FRMPD1: variants seen among roughly 807,000 people sequenced by gnomAD.
FRMPD1 encodes the protein FERM and PDZ domain-containing protein 1.
FRMPD1 carries 76 observed loss-of-function variants against 117.8 expected under a neutral mutation model. The ratio of observed to expected loss-of-function variants is 0.65; its 90% confidence interval spans 0.54 to 0.78. The LOEUF is 0.78. Among genes scored for constraint, FRMPD1 ranks in the 30% least tolerant of loss-of-function variants. The pLI is 0.00. For missense variants in FRMPD1, 1,786 were observed against 1,964.5 expected (o/e 0.91, Z 1.72); for synonymous variants, 783 against 770.4 (o/e 1.02, Z -0.27).
chr9:37,707,702 C>A, intron 3 of FRMPD1, 129 bp downstream of exon 3: 1 of 763,542 alleles, frequency 1.3e-6, no homozygotes, highest in Non-Finnish European at 2.1e-6. Context: ...AAAGGCACAC[C>A]TAATTCTGTC....
chr9:37,702,610 C>T (rs1822574385), intron 2 of FRMPD1, among the ~76,000 whole-genome samples: 1 of 152,130 alleles, frequency 6.6e-6, no homozygotes, highest in South Asian at 2.1e-4. Flanking sequence ...TAAGATCAGT[C>T]TGGAGTGAAG....
the FRMPD1 span, among the ~76,000 whole-genome samples, chr9:37,611,847 TC>T: frequency 3.3e-5 from 5 of 152,190 alleles, no homozygotes; most frequent in African/African-American, 1.2e-4. Flanking sequence ...ATTCTTTTTT[TC>T]CCTTTACTCC....
At chr9:37,662,058 A>G (rs1007879168) in intron 1 of FRMPD1, 4 of 152,412 alleles carry the variant, frequency 2.6e-5, no homozygotes, top group East Asian at 3.9e-4. Flanking sequence ...CCATGTTGCT[A>G]TAACAGAATA....
intron 1 of FRMPD1, among the ~76,000 whole-genome samples, chr9:37,664,062 A>G (rs764949550): frequency 3.9e-5 from 6 of 152,164 alleles, no homozygotes; most frequent in African/African-American, 4.8e-5. Flanking sequence ...CAGACGCCCA[A>G]GAGCTATCAC....
the FRMPD1 span, among the ~76,000 whole-genome samples, chr9:37,605,776 A>T: frequency 6.6e-6 from 1 of 152,034 alleles, no homozygotes; most frequent in African/African-American, 2.4e-5. Flanking sequence ...GTGCAGTGGC[A>T]TGATCATAGC....
intron 1 of FRMPD1, among the ~76,000 whole-genome samples, chr9:37,687,283 G>A (rs1445539497): frequency 6.6e-6 from 1 of 152,204 alleles, no homozygotes; most frequent in African/African-American, 2.4e-5. Flanking sequence ...TGTGGAATAT[G>A]TGTCTTCCAC....
the FRMPD1 span, among the ~76,000 whole-genome samples, chr9:37,634,226 TTTG>T: frequency 4.6e-5 from 7 of 152,338 alleles, no homozygotes. Context: ...TTTAACTGCT[TTTG>T]TTGTTGTTGT....
In FRMPD1 at chr9:37,740,601, A is replaced by C. The variant is rs1456764145; in HGVS notation, c.2073A>C (p.Thr691=). The C allele has an allele frequency of 6.2e-7, 1 of 1,614,200 alleles. No homozygotes were observed. ...ETFGWAPELS[T]VRLDPRLYEG... ...TTGGCTGGGCACCAGAACTGAGCACAGTCAGGCTGGACCCCAGGCTGTATG... is the reference window on the plus strand; with the variant it reads ...TTGGCTGGGCACCAGAACTGAGCACCGTCAGGCTGGACCCCAGGCTGTATG... Residue 691 remains threonine (T), a synonymous_variant, in exon 15 of 16, where the codon ACA becomes ACC. Coordinates refer to ENST00000377765, the MANE Select transcript of FRMPD1 (RefSeq NM_014907.3). The surrounding 1 kb of genome is among the most constrained non-coding windows in gnomAD (Gnocchi z 4.2).
the FRMPD1 span, among the ~76,000 whole-genome samples, chr9:37,609,217 G>C: frequency 3.5e-4 from 53 of 152,186 alleles, 1 homozygote; most frequent in East Asian, 9.7e-3. Context: ...ACTTGAACCT[G>C]GGAGGCGGAG....
At chr9:37,640,116 C>T in the FRMPD1 span, among the ~76,000 whole-genome samples, 5 of 152,104 alleles carry the variant, frequency 3.3e-5, no homozygotes, top group African/African-American at 1.2e-4. Flanking sequence ...TCCTGTTTTC[C>T]TCAGCTGTGA....
chr9:37,659,608 A>T (rs1820936111), intron 1 of FRMPD1, among the ~76,000 whole-genome samples: 1 of 152,154 alleles, frequency 6.6e-6, no homozygotes, highest in African/African-American at 2.4e-5. Context: ...ATAGTGGAAG[A>T]CTTATGTCTT....
chr9:37,731,131 A>G (rs529619855), intron 9 of FRMPD1, 28 bp downstream of exon 9: 1 of 1,608,720 alleles, frequency 6.2e-7, no homozygotes, highest in South Asian at 1.1e-5. Flanking sequence ...TCCTAAAATA[A>G]CAGTGGTTGT....
At chr9:37,605,453 C>CATTCCAT in the FRMPD1 span, among the ~76,000 whole-genome samples, 1 of 152,160 alleles carries the variant, frequency 6.6e-6, no homozygotes, top group Non-Finnish European at 1.5e-5. Context: ...GCAGCCTGGT[C>CATTCCAT]ATTCCATAGC....
intron 1 of FRMPD1, among the ~76,000 whole-genome samples, chr9:37,683,173 C>T (rs560856120): frequency 6.6e-6 from 1 of 152,212 alleles, no homozygotes; most frequent in Admixed American, 6.5e-5. Flanking sequence ...TGGCTTCTTT[C>T]ACTTAGCATA....
intron 1 of FRMPD1, among the ~76,000 whole-genome samples, chr9:37,674,519 G>A (rs1254570561): frequency 6.6e-6 from 1 of 152,028 alleles, no homozygotes; most frequent in Non-Finnish European, 1.5e-5. Context: ...CACATTTTGG[G>A]GTATCTTTTC....
chr9:37,616,742 G>T, the FRMPD1 span, among the ~76,000 whole-genome samples: 1 of 152,116 alleles, frequency 6.6e-6, no homozygotes, highest in Non-Finnish European at 1.5e-5. Context: ...TACTGTAGAT[G>T]GGTCTAGTCT....
chr9:37,622,408 G>C, the FRMPD1 span, among the ~76,000 whole-genome samples: 1 of 152,190 alleles, frequency 6.6e-6, no homozygotes, highest in Non-Finnish European at 1.5e-5. Context: ...TATCTCATTA[G>C]AATTGGAATT....
chr9:37,670,146 C>T (rs947243148), intron 1 of FRMPD1: 2 of 152,154 alleles, frequency 1.3e-5, no homozygotes, highest in African/African-American at 4.8e-5. Context: ...TAGACTGTGT[C>T]TAACTGTATT....
chr9:37,743,520 C>CTT (rs531949141), intron 15 of FRMPD1, among the ~76,000 whole-genome samples: 3 of 40,932 alleles, frequency 7.3e-5, no homozygotes, highest in East Asian at 1.3e-3. Flanking sequence ...AATGGCTCTG[C>CTT]TTTTTTTTTT....
Sources: gnomAD v4.1 joint callset for allele counts (sites outside exome capture counted in the v4.1 genomes callset) on GRCh38, gnomAD v4.1.1 for gene constraint, Gnocchi (gnomAD v3.1) non-coding constraint, MANE v1.5 for transcripts, NCBI Gene and HGNC (gene_info 2026-07-23, HGNC 2026-07-21) for gene names.